The following KLF12 variants were observed in gnomAD, a reference collection of about 807,000 sequenced individuals.
KLF12 encodes Krueppel-like factor 12.
KLF12 carries 9 observed loss-of-function variants against 37.8 expected under a neutral mutation model. That is an observed-to-expected ratio of 0.24 (90% confidence interval 0.14 to 0.42). KLF12 has a LOEUF of 0.42. Among genes scored for constraint, KLF12 ranks in the 10% least tolerant of loss-of-function variants. KLF12 has a pLI of 1.00. For synonymous variants in KLF12, 208 were observed against 202.1 expected (o/e 1.03, Z -0.25); for missense variants, 411 against 516.0 (o/e 0.80, Z 1.97).
intron 3 of KLF12, among the ~76,000 whole-genome samples, chr13:73,907,728 T>G (rs535368879): frequency 1.3e-5 from 2 of 152,320 alleles, no homozygotes; most frequent in South Asian, 4.1e-4. Flanking sequence ...TCATTTTAAT[T>G]GATACTTCAC....
intron 1 of KLF12, among the ~76,000 whole-genome samples, chr13:74,053,659 T>C (rs193271905): frequency 6.6e-6 from 1 of 152,054 alleles, no homozygotes; most frequent in Non-Finnish European, 1.5e-5. Context: ...AAGGTGGAGG[T>C]TACATGCCTG....
At chr13:74,174,746 C>T in the KLF12 span, among the ~76,000 whole-genome samples, 3 of 152,212 alleles carry the variant, frequency 2.0e-5, no homozygotes, top group Admixed American at 2.0e-4. Flanking sequence ...AGCACCTCTT[C>T]CATTTACGCA....
chr13:74,298,488 A>G, the KLF12 span, among the ~76,000 whole-genome samples: 1 of 152,234 alleles, frequency 6.6e-6, no homozygotes, highest in African/African-American at 2.4e-5. Flanking sequence ...TGAACAGGGC[A>G]GATACAGAAT....
At chr13:73,905,263 A>G (rs78366345) in intron 3 of KLF12, among the ~76,000 whole-genome samples, 7,285 of 152,188 alleles carry the variant, frequency 0.048, 405 homozygotes, top group African/African-American at 0.14. Flanking sequence ...AGTCACCTAT[A>G]ACTTTCAAAT....
intron 1 of KLF12, among the ~76,000 whole-genome samples, chr13:74,123,784 C>T (rs1381576883): frequency 6.6e-6 from 1 of 152,154 alleles, no homozygotes; most frequent in Non-Finnish European, 1.5e-5. Context: ...CTTATCGAGA[C>T]TAAATGAAAG....
In KLF12 at chr13:73,840,182, A is replaced by T. The variant is rs201732472; in HGVS notation, c.670+5645T>A. Among the ~76,000 whole-genome samples, 14 of 152,240 alleles carry T rather than the reference A, an allele frequency of 9.2e-5. No homozygotes were observed. In the East Asian group the frequency reaches 2.7e-3, roughly 29 times the overall value. On this transcript the variant is annotated intron_variant, in intron 4 of 7. Coordinates refer to ENST00000377669, the MANE Select transcript of KLF12 (RefSeq NM_007249.5). ...CTGAGCAGCATTTGATACCATTGAC[A>T]AGCTGCTCTTGAAAACACGCTCCAC...
chr13:73,770,889 A>G (rs147803213), intron 5 of KLF12, among the ~76,000 whole-genome samples: 28 of 152,250 alleles, frequency 1.8e-4, no homozygotes, highest in African/African-American at 5.5e-4. Flanking sequence ...ACTGAAAGAG[A>G]GAAGTTAAAC....
At chr13:74,065,226 G>GTATA (rs71199832) in intron 1 of KLF12, among the ~76,000 whole-genome samples, 35,446 of 149,562 alleles carry the variant, frequency 0.24, 5,489 homozygotes, top group East Asian at 0.67. Context: ...ACACACACAT[G>GTATA]TATATATATA....
chr13:74,032,202 G>C (rs895082564), intron 1 of KLF12, among the ~76,000 whole-genome samples: 1 of 152,128 alleles, frequency 6.6e-6, no homozygotes, highest in Non-Finnish European at 1.5e-5. Context: ...AAATCTGTTA[G>C]GCACAGACTT....
intron 1 of KLF12, among the ~76,000 whole-genome samples, chr13:74,077,812 T>C (rs1874652561): frequency 6.6e-6 from 1 of 152,232 alleles, no homozygotes; most frequent in Non-Finnish European, 1.5e-5. Context: ...CAAATTTAGT[T>C]CTCTGCCCAA....
At chr13:74,262,769 T>C in the KLF12 span, among the ~76,000 whole-genome samples, 1 of 152,212 alleles carries the variant, frequency 6.6e-6, no homozygotes, top group East Asian at 1.9e-4. Flanking sequence ...CCGACTCAGT[T>C]AGGACCTCAG....
At chr13:74,048,646 A>G (rs1174922189) in intron 1 of KLF12, among the ~76,000 whole-genome samples, 1 of 152,188 alleles carries the variant, frequency 6.6e-6, no homozygotes, top group African/African-American at 2.4e-5. Context: ...ATAAGGAAAT[A>G]AGTCAAGAAA....
intron 2 of KLF12, among the ~76,000 whole-genome samples, chr13:73,987,213 A>ATTAT (rs1189663451): frequency 6.6e-6 from 1 of 152,202 alleles, no homozygotes; most frequent in Non-Finnish European, 1.5e-5. Flanking sequence ...AATTATTAAC[A>ATTAT]TTATTAAATA....
intron 5 of KLF12, among the ~76,000 whole-genome samples, chr13:73,806,193 G>A (rs1486590187): frequency 2.7e-5 from 4 of 148,870 alleles, no homozygotes; most frequent in African/African-American, 9.9e-5. Context: ...TGAAACCTCC[G>A]CCTCCCGGGT....
chr13:73,802,256 TA>T (rs1444903702), intron 5 of KLF12: 5 of 152,154 alleles, frequency 3.3e-5, no homozygotes, highest in Non-Finnish European at 5.9e-5. Context: ...ATTATCAGGA[TA>T]AATTGTCACT....
chr13:73,797,080 C>A lies in KLF12; in HGVS notation c.806+16072G>T, dbSNP rs532949177. On this transcript the variant is annotated intron_variant, in intron 5 of 7. Transcript: ENST00000377669. ...GGGTGATGGAAATGTTCAGATCTTACATGAGAGTATACAATTGTTAAATTC... is the reference window on the plus strand; with the variant it reads ...GGGTGATGGAAATGTTCAGATCTTAAATGAGAGTATACAATTGTTAAATTC... Among the ~76,000 whole-genome samples, 7 of 152,270 alleles carry A rather than the reference C, an allele frequency of 4.6e-5. No homozygotes were observed. In the South Asian group the frequency reaches 1.4e-3, roughly 32 times the overall value.
intron 5 of KLF12, among the ~76,000 whole-genome samples, chr13:73,790,297 T>A (rs927672385): frequency 6.6e-6 from 1 of 152,210 alleles, no homozygotes; most frequent in African/African-American, 2.4e-5. Context: ...TTTCATTTTT[T>A]ATTTTTATTA....
intron 1 of KLF12, among the ~76,000 whole-genome samples, chr13:74,104,747 T>C (rs572242367): frequency 6.6e-6 from 1 of 152,304 alleles, no homozygotes; most frequent in Admixed American, 6.5e-5. Flanking sequence ...TATATTTATT[T>C]TAAGAAGCAA....
chr13:73,860,590 A>G (rs1220673306), intron 3 of KLF12, among the ~76,000 whole-genome samples: 1 of 152,132 alleles, frequency 6.6e-6, no homozygotes, highest in Admixed American at 6.5e-5. Flanking sequence ...AAAAATAAAA[A>G]TAAATAAGCT....
Sources: gnomAD v4.1 joint callset for allele counts (sites outside exome capture counted in the v4.1 genomes callset) on GRCh38, gnomAD v4.1.1 for gene constraint, MANE v1.5 for transcripts, NCBI Gene and HGNC (gene_info 2026-07-23, HGNC 2026-07-21) for gene names.